Variants in POTEJ observed in about 807,000 individuals in gnomAD.
POTEJ encodes POTE ankyrin domain family member J, also known as POTE ankyrin domain family, member J.
POTEJ carries 11 observed loss-of-function variants against 69.0 expected under a neutral mutation model. That is an observed-to-expected ratio of 0.16 (90% confidence interval 0.10 to 0.26). POTEJ has a LOEUF of 0.26. POTEJ is among the 10% of genes least tolerant of loss of function. The pLI, the probability that POTEJ is intolerant of heterozygous loss-of-function variation, is 1.00. For synonymous variants in POTEJ, 117 were observed against 381.1 expected (o/e 0.31, Z 8.07); for missense variants, 327 against 1,045.5 (o/e 0.31, Z 9.48).
In POTEJ at chr2:130,657,064, G is replaced by T; in HGVS notation, c.2304G>T (p.Leu768=). Residue 768 remains leucine, a synonymous_variant, in exon 15 of 15, where the codon CTG becomes CTT. Transcript: ENST00000409602. ...CCCCCGAGGAGCACCCCATCCTGCT[G>T]ACCGAGGCCCCCCTGAACCCCAAGG... ...RVAPEEHPIL[L]TEAPLNPKAN... 2.5e-6 allele frequency: 4 copies of T among 1,581,128 alleles called. 1 individual carries two copies. The highest frequency in any genetic ancestry group is 3.5e-6 in the Non-Finnish European group (4 of 1,156,874).
At chr2:130,613,275 C>CATATGTATAT (rs1685287966) in intron 1 of POTEJ, among the ~76,000 whole-genome samples, 1 of 54,094 alleles carries the variant, frequency 1.8e-5, no homozygotes, top group Admixed American at 1.4e-4. Context: ...CATATATATA[C>CATATGTATAT]ATATGTATAT....
chr2:130,655,266 AAGG>A (rs1449853022), intron 14 of POTEJ, among the ~76,000 whole-genome samples: 4 of 152,114 alleles, frequency 2.6e-5, no homozygotes, highest in Non-Finnish European at 5.9e-5. Context: ...CCTCAATCCA[AAGG>A]AGAAGTATTT....
At chr2:130,624,670 C>T (rs1370349157) in intron 6 of POTEJ, among the ~76,000 whole-genome samples, 7 of 151,916 alleles carry the variant, frequency 4.6e-5, no homozygotes, top group African/African-American at 1.2e-4. Context: ...GAGTGTGTGG[C>T]CTGGGAGTTG....
intron 10 of POTEJ, among the ~76,000 whole-genome samples, chr2:130,641,519 A>T (rs1686372622): frequency 6.7e-6 from 1 of 150,216 alleles, no homozygotes; most frequent in African/African-American, 2.4e-5. Flanking sequence ...AAACAGAGGC[A>T]GAAGAGAGGT....
At chr2:130,628,681 A>G (rs1229304381) in intron 6 of POTEJ, among the ~76,000 whole-genome samples, 1 of 130,392 alleles carries the variant, frequency 7.7e-6, no homozygotes, top group Non-Finnish European at 1.6e-5. Flanking sequence ...TTATCTGGGG[A>G]AAGACATGCA....
rs551207551 is a variant in POTEJ at position 130,633,017 on chromosome 2, G to T, written c.1298+361G>T. Among the ~76,000 whole-genome samples the T allele has an allele frequency of 1.2e-4, 18 of 146,568 alleles. 3 individuals carry two copies. The highest frequency in any genetic ancestry group is 4.7e-4 in the African/African-American group (18 of 38,200). ...ATAATAAGCAAAACACCAAAAGTTA[G>T]TTTTTTGGTCATCTCCCTCCCGCGA... On this transcript the variant is annotated intron_variant, in intron 9 of 14. Coordinates refer to ENST00000409602, the MANE Select transcript of POTEJ (RefSeq NM_001277083.2).
At chr2:130,627,046 A>C (rs1441350855) in intron 6 of POTEJ, among the ~76,000 whole-genome samples, 1 of 152,164 alleles carries the variant, frequency 6.6e-6, no homozygotes, top group Non-Finnish European at 1.5e-5. Context: ...GACAGAGAGA[A>C]ATGTCAGATA....
chr2:130,644,464 A>G (rs1167659658), intron 11 of POTEJ, among the ~76,000 whole-genome samples: 3 of 152,176 alleles, frequency 2.0e-5, no homozygotes, highest in African/African-American at 7.2e-5. Flanking sequence ...GCGAGACTCC[A>G]TCTGAAAAAA....
chr2:130,622,765 T>A (rs1685582486), intron 5 of POTEJ: 1 of 151,688 alleles, frequency 6.6e-6, no homozygotes. Flanking sequence ...GAATCTCAAG[T>A]AGGTTAGTTG....
intron 1 of POTEJ, among the ~76,000 whole-genome samples, chr2:130,614,175 A>G (rs927967496): frequency 3.3e-5 from 5 of 151,914 alleles, no homozygotes; most frequent in Non-Finnish European, 5.9e-5. Flanking sequence ...AAGAAAAAAA[A>G]AAAAAAAAGG....
Position 130,624,049 on chromosome 2 carries a change from C to T in POTEJ, c.945-15C>T, listed in dbSNP as rs750393229. The T allele has an allele frequency of 2.1e-6, 3 of 1,429,512 alleles. No homozygotes were observed. The highest frequency in any genetic ancestry group is 4.9e-5 in the East Asian group (2 of 40,832). 88.6% of individuals were successfully genotyped at this position (1,429,512 alleles called of 1,614,324 possible). A position where few individuals can be genotyped will look rare whatever the true frequency, so the allele number is the denominator to read the frequency against. Reference sequence around the variant, plus strand: ...ATTAAAATAGTAATTTGGTTTATTACATTTTTATACATAGAATTTGCCAGT... The same window carrying T: ...ATTAAAATAGTAATTTGGTTTATTATATTTTTATACATAGAATTTGCCAGT... On this transcript the variant is annotated splice_polypyrimidine_tract_variant and intron_variant, in intron 5 of 14. Transcript: ENST00000409602.
intron 9 of POTEJ, among the ~76,000 whole-genome samples, chr2:130,635,990 T>C (rs1352268701): frequency 6.9e-6 from 1 of 144,476 alleles, no homozygotes; most frequent in Non-Finnish European, 1.5e-5. Context: ...TCTGATTGCC[T>C]CCTTTTCACT....
rs1372118109 is a variant in POTEJ at position 130,632,713 on chromosome 2, G to A, written c.1298+57G>A. ...ACTATGTGCTGTCAAACTAACCCTA[G>A]TTTGGGCTAATATTCATGATGAACA... On this transcript the variant is annotated intron_variant, in intron 9 of 14. Coordinates refer to ENST00000409602, the MANE Select transcript of POTEJ (RefSeq NM_001277083.2). 8.0e-4 allele frequency: 596 copies of A among 747,592 alleles called. 30 individuals carry two copies. The African/African-American group carries it at 0.011, about 13-fold the overall frequency. 46.3% of individuals were successfully genotyped at this position (747,592 alleles called of 1,614,324 possible). A position where few individuals can be genotyped will look rare whatever the true frequency, so the allele number is the denominator to read the frequency against.
intron 10 of POTEJ, among the ~76,000 whole-genome samples, chr2:130,641,301 G>T (rs1382713815): frequency 1.3e-5 from 2 of 152,040 alleles, no homozygotes; most frequent in Non-Finnish European, 2.9e-5. Context: ...TAGCATCAAT[G>T]TATTATAAGG....
chr2:130,657,567 G>A lies in POTEJ; in HGVS notation c.2807G>A (p.Gly936Asp), dbSNP rs777326993. 1.7e-4 allele frequency: 259 copies of A among 1,555,792 alleles called. 28 individuals carry two copies. Among genetic ancestry groups the A allele is most frequent in the Non-Finnish European group, 2.1e-4 (243 of 1,143,720 alleles). ...TGCTTCCTGGGCATGGAATCCTGTG[G>A]CATCCATGAAACTACCTTCAACTCC... is the stretch of plus-strand genomic sequence containing the variant. ...QPCFLGMESCGIHETTFNSIM... is the reference protein window; with the variant it reads ...QPCFLGMESCDIHETTFNSIM... The change falls in exon 15 of 15, where the codon GGC (glycine) becomes GAC (aspartate). Residue 936 changes from glycine to aspartate, a missense_variant. Transcript: ENST00000409602.
At chr2:130,650,571 G>A (rs1381813827) in intron 13 of POTEJ, among the ~76,000 whole-genome samples, 1 of 148,934 alleles carries the variant, frequency 6.7e-6, no homozygotes, top group Non-Finnish European at 1.5e-5. Flanking sequence ...CTTAAAAAAT[G>A]TTTGACAAGG....
intron 13 of POTEJ, among the ~76,000 whole-genome samples, chr2:130,650,007 GA>G (rs1199870885): frequency 1.3e-5 from 2 of 152,132 alleles, no homozygotes; most frequent in South Asian, 2.1e-4. Context: ...TGAAGAAAAT[GA>G]AAAAAAAGAG....
At chr2:130,633,655 G>T (rs1422765242) in intron 9 of POTEJ, among the ~76,000 whole-genome samples, 1 of 146,820 alleles carries the variant, frequency 6.8e-6, no homozygotes, top group Admixed American at 6.8e-5. Flanking sequence ...CTATATTGAC[G>T]CTGTACCTTG....
At chr2:130,612,535 C>T (rs1252201581) in intron 1 of POTEJ, among the ~76,000 whole-genome samples, 39 of 152,258 alleles carry the variant, frequency 2.6e-4, no homozygotes, top group Non-Finnish European at 1.3e-4. Context: ...GGGAGGCGGG[C>T]GGATCACGAG....
Sources: allele counts gnomAD v4.1 joint callset (sites outside exome capture counted in the v4.1 genomes callset), GRCh38; gene constraint gnomAD v4.1.1; transcripts MANE v1.5; gene names NCBI Gene and HGNC (gene_info 2026-07-23, HGNC 2026-07-21).